Variants in CDH4 observed in about 807,000 individuals in gnomAD.
The protein encoded by CDH4 is cadherin 4, also known as cadherin-4.
In CDH4, 33 loss-of-function variants were observed where a neutral mutation model predicts 86.0. That is an observed-to-expected ratio of 0.38 (90% CI 0.29 to 0.51). The LOEUF is 0.51. Ranked by LOEUF, CDH4 falls within the 20% of genes least tolerant of loss-of-function variation. The pLI is 0.86. For synonymous variants in CDH4, 555 were observed against 549.4 expected, an observed-to-expected ratio of 1.01 and a Z score of -0.14; for missense variants, 1,114 against 1,307.4, an observed-to-expected ratio of 0.85 and a Z score of 2.28.
intron 2 of CDH4, among the ~76,000 whole-genome samples, chr20:61,293,784 T>C (rs1036474845): frequency 3.9e-5 from 6 of 152,174 alleles, no homozygotes; most frequent in Non-Finnish European, 8.8e-5. Flanking sequence ...GCCATTGTTA[T>C]TGAAGTGAGG....
chr20:61,578,381 G>A (rs955036053), intron 2 of CDH4, among the ~76,000 whole-genome samples: 2 of 152,226 alleles, frequency 1.3e-5, no homozygotes, highest in African/African-American at 4.8e-5. Flanking sequence ...ATAGCATTCT[G>A]TGATTTCACT....
intron 2 of CDH4, among the ~76,000 whole-genome samples, chr20:61,690,333 C>T (rs770155918): frequency 1.1e-4 from 16 of 152,112 alleles, no homozygotes; most frequent in African/African-American, 1.7e-4. Context: ...GGAGGCTTCC[C>T]GGAGGTGGTG....
intron 2 of CDH4, among the ~76,000 whole-genome samples, chr20:61,666,842 C>G (rs902330892): frequency 1.3e-5 from 2 of 152,212 alleles, no homozygotes; most frequent in Non-Finnish European, 2.9e-5. Context: ...GGCATGAATC[C>G]GAAGACAGCA....
In CDH4 at chr20:61,431,838, C is replaced by T. The variant is rs181330464; in HGVS notation, c.169+176901C>T. Among the ~76,000 whole-genome samples, 840 of 152,246 alleles carry T rather than the reference C, an allele frequency of 5.5e-3. 23 individuals are homozygous for T. Among genetic ancestry groups the T allele is most frequent in the Admixed American group, 0.046 (711 of 15,300 alleles). On this transcript the variant is annotated intron_variant, in intron 2 of 15. Coordinates refer to ENST00000614565, the MANE Select transcript of CDH4 (RefSeq NM_001794.5). ...TCCCCTGGCAACCGGCTTATGGAAC[C>T]CATCATTAAGACCAGCTGGCATCTT...
chr20:61,515,926 C>T (rs986894919), intron 2 of CDH4, among the ~76,000 whole-genome samples: 1 of 152,136 alleles, frequency 6.6e-6, no homozygotes, highest in African/African-American at 2.4e-5. Flanking sequence ...GTCTATCCCC[C>T]CCATCCCGCA....
chr20:61,499,477 C>T (rs1298339641), intron 2 of CDH4: 1 of 1,289,130 alleles, frequency 7.8e-7, no homozygotes. Flanking sequence ...CTCCTTTCTA[C>T]CCTGCTTTAA....
chr20:61,476,475 T>C (rs1332706660), intron 2 of CDH4, among the ~76,000 whole-genome samples: 2 of 152,230 alleles, frequency 1.3e-5, no homozygotes. Context: ...TATATCCATA[T>C]GTATCAGTTT....
intron 2 of CDH4, among the ~76,000 whole-genome samples, chr20:61,378,259 G>GA (rs947680621): frequency 2.0e-5 from 3 of 151,678 alleles, no homozygotes; most frequent in East Asian, 1.9e-4. Context: ...TCTGTTAAAA[G>GA]AAAAAAAAAT....
At chr20:61,424,912 C>G (rs1388659044) in intron 2 of CDH4, among the ~76,000 whole-genome samples, 1 of 124,270 alleles carries the variant, frequency 8.0e-6, no homozygotes, top group Non-Finnish European at 1.9e-5. Context: ...AGGCATAAGC[C>G]TGTGCCGCGT....
At chr20:61,771,141 A>G (rs2088771999) in intron 3 of CDH4, among the ~76,000 whole-genome samples, 1 of 150,672 alleles carries the variant, frequency 6.6e-6, no homozygotes, top group Non-Finnish European at 1.5e-5. Flanking sequence ...CTCCTAAGTA[A>G]CTGGGACTAC....
chr20:61,446,372 G>T (rs1483210429), intron 2 of CDH4, among the ~76,000 whole-genome samples: 3 of 152,136 alleles, frequency 2.0e-5, no homozygotes, highest in African/African-American at 7.2e-5. Context: ...CCAATAAAAA[G>T]ATTATACTTT....
chr20:61,520,726 G>A lies in CDH4; in HGVS notation c.170-222837G>A, dbSNP rs574822945. Among the ~76,000 whole-genome samples the A allele has an allele frequency of 1.9e-4, 29 of 152,264 alleles. 1 individual carries two copies. In the South Asian group the frequency reaches 5.2e-3, roughly 27 times the overall value. ...AGGGAAGCGGTAAATCAGAGTGCAC[G>A]CCAAGGCTTCCAGGCCCCGGATCCT... On this transcript the variant is annotated intron_variant, in intron 2 of 15. Coordinates refer to ENST00000614565, the MANE Select transcript of CDH4 (RefSeq NM_001794.5).
intron 4 of CDH4, among the ~76,000 whole-genome samples, chr20:61,788,347 C>G (rs941768745): frequency 6.6e-6 from 1 of 152,112 alleles, no homozygotes; most frequent in Non-Finnish European, 1.5e-5. Flanking sequence ...TGGGGGAGGG[C>G]TGGGGGTGCA....
At chr20:61,485,486 A>C (rs2085591251) in intron 2 of CDH4, among the ~76,000 whole-genome samples, 1 of 152,226 alleles carries the variant, frequency 6.6e-6, no homozygotes, top group South Asian at 2.1e-4. Context: ...GGAGATGCAC[A>C]GCTGAAGAAG....
chr20:61,474,601 C>T (rs1320954513), intron 2 of CDH4, among the ~76,000 whole-genome samples: 1 of 152,036 alleles, frequency 6.6e-6, no homozygotes, highest in Admixed American at 6.6e-5. Context: ...TAAGAAGGCT[C>T]TACTTAAACA....
intron 4 of CDH4, among the ~76,000 whole-genome samples, chr20:61,832,083 C>T (rs552604994): frequency 4.3e-4 from 66 of 152,240 alleles, no homozygotes; most frequent in Non-Finnish European, 9.1e-4. Flanking sequence ...GTACCCATTC[C>T]AACCTCCAGC....
chr20:61,584,044 C>G (rs571368676), intron 2 of CDH4, among the ~76,000 whole-genome samples: 1 of 152,194 alleles, frequency 6.6e-6, no homozygotes, highest in Non-Finnish European at 1.5e-5. Context: ...CCTGTAGTCT[C>G]AGCTACTTAG....
chr20:61,822,702 G>A (rs567211137), intron 4 of CDH4, among the ~76,000 whole-genome samples: 1 of 152,288 alleles, frequency 6.6e-6, no homozygotes, highest in East Asian at 1.9e-4. Flanking sequence ...GCTTCACTGA[G>A]TTTGGGGCGG....
rs1030885355 is a variant in CDH4, at chr20:61,929,919, G to T, written c.2239+77G>T. The T allele has an allele frequency of 2.0e-5, 24 of 1,222,406 alleles. No individual in the cohort carries two copies. The African/African-American group carries it at 3.4e-4, about 17-fold the overall frequency. The allele number at this position is 1,222,406 out of a possible 1,614,324, so 75.7% of individuals were successfully genotyped here. A position where few individuals can be genotyped will look rare whatever the true frequency, so the allele number is the denominator to read the frequency against. On this transcript the variant is annotated intron_variant, in intron 13 of 15. Transcript: ENST00000614565. ...CCTGTCCCAGGCATGGTGGGCAGAG[G>T]GGGGCCTGGATTTGCCCCTCAGCCC...
Sources: allele counts gnomAD v4.1 joint callset (sites outside exome capture counted in the v4.1 genomes callset), GRCh38; gene constraint gnomAD v4.1.1; transcripts MANE v1.5; gene names NCBI Gene and HGNC (gene_info 2026-07-23, HGNC 2026-07-21).